TRIO: variants seen among roughly 807,000 people sequenced by gnomAD.
TRIO encodes triple functional domain protein.
Under a neutral mutation model 351.9 loss-of-function variants are expected in TRIO, and 58 were observed. The observed-to-expected ratio is 0.16, with a 90% CI of 0.13 to 0.21. The LOEUF is 0.21. Ranked by LOEUF, TRIO falls within the 10% of genes least tolerant of loss-of-function variation. The probability of loss-of-function intolerance (pLI) is 1.00; values close to 1 mark genes in which losing one functional copy is unlikely to be tolerated. For missense variants in TRIO, 3,201 were observed against 4,027.8 expected, an observed-to-expected ratio of 0.79 and a Z score of 5.56; for synonymous variants, 1,758 against 1,595.7, an observed-to-expected ratio of 1.10 and a Z score of -2.42.
At chr5:14,459,037 C>G (rs1028002338) in intron 34 of TRIO, among the ~76,000 whole-genome samples, 15 of 152,180 alleles carry the variant, frequency 9.9e-5, no homozygotes, top group Non-Finnish European at 1.6e-4. Flanking sequence ...CATTCTTTAA[C>G]AGATATCAAT....
chr5:14,191,508 G>T (rs1359052087), intron 1 of TRIO, among the ~76,000 whole-genome samples: 1 of 148,538 alleles, frequency 6.7e-6, no homozygotes, highest in Non-Finnish European at 1.5e-5. Context: ...CTCCAGCCTG[G>T]GTGACAGAGT....
At chr5:14,241,225 T>G (rs1794106795) in intron 1 of TRIO, among the ~76,000 whole-genome samples, 1 of 152,198 alleles carries the variant, frequency 6.6e-6, no homozygotes, top group South Asian at 2.1e-4. Context: ...TATAGACATT[T>G]TGGGGGGCCT....
At chr5:14,355,483 A>T (rs1743539095) in intron 11 of TRIO, among the ~76,000 whole-genome samples, 1 of 152,200 alleles carries the variant, frequency 6.6e-6, no homozygotes, top group South Asian at 2.1e-4. Context: ...TGTTTTAGCA[A>T]ACTGAGTCTC....
chr5:14,225,398 T>C (rs376285737), intron 1 of TRIO, among the ~76,000 whole-genome samples: 2 of 152,192 alleles, frequency 1.3e-5, no homozygotes, highest in African/African-American at 4.8e-5. Flanking sequence ...AGGTCAGGTG[T>C]CTGGGTAGTT....
chr5:14,466,170 A>G (rs1169609162), intron 37 of TRIO: 1 of 162,056 alleles, frequency 6.2e-6, no homozygotes, highest in East Asian at 1.7e-4. Flanking sequence ...ATCAAGCAGA[A>G]CATTCCAAGG....
intron 1 of TRIO, chr5:14,184,024 AG>A: frequency 1.4e-6 from 1 of 694,150 alleles, no homozygotes; most frequent in South Asian, 1.5e-5. Flanking sequence ...GTGTGGCTCG[AG>A]GGTTTCTCTA....
At chr5:14,255,133 A>G (rs762475523) in intron 1 of TRIO, among the ~76,000 whole-genome samples, 4 of 152,250 alleles carry the variant, frequency 2.6e-5, no homozygotes, top group African/African-American at 9.6e-5. Flanking sequence ...GTAGCAGCAA[A>G]TGGTTGCATC....
chr5:14,359,314 T>C, intron 12 of TRIO, 43 bp from the exon 13 acceptor site: 1 of 1,588,988 alleles, frequency 6.3e-7, no homozygotes, highest in Non-Finnish European at 8.6e-7. Context: ...TAACAATGTG[T>C]GACTTTCTCA....
intron 20 of TRIO, among the ~76,000 whole-genome samples, chr5:14,380,495 G>A (rs992599669): frequency 6.6e-6 from 1 of 151,954 alleles, no homozygotes; most frequent in Non-Finnish European, 1.5e-5. Context: ...TCCCCAGGGC[G>A]GCTGACTCCC....
At chr5:14,160,305 T>A (rs1030674075) in intron 1 of TRIO, among the ~76,000 whole-genome samples, 7 of 152,232 alleles carry the variant, frequency 4.6e-5, no homozygotes, top group African/African-American at 1.7e-4. Flanking sequence ...GGGGGTGACC[T>A]TTTCATGATG....
At chr5:14,457,759 C>A (rs1442462632) in intron 34 of TRIO, among the ~76,000 whole-genome samples, 3 of 152,056 alleles carry the variant, frequency 2.0e-5, no homozygotes, top group Non-Finnish European at 4.4e-5. Context: ...GCCCTGCGTC[C>A]CTGCCTGCCC....
intron 1 of TRIO, among the ~76,000 whole-genome samples, chr5:14,230,640 C>T (rs1337497567): frequency 6.6e-6 from 1 of 152,044 alleles, no homozygotes; most frequent in Non-Finnish European, 1.5e-5. Context: ...TTCTCATATA[C>T]ATATATATTC....
At chr5:14,294,449 T>G (rs1015489632) in intron 6 of TRIO, among the ~76,000 whole-genome samples, 8 of 152,244 alleles carry the variant, frequency 5.3e-5, no homozygotes, top group Non-Finnish European at 1.2e-4. Context: ...ACTGTCAGTT[T>G]TTTTAGAATT....
intron 9 of TRIO, among the ~76,000 whole-genome samples, chr5:14,325,339 A>G (rs559544855): frequency 2.2e-4 from 33 of 152,356 alleles, no homozygotes; most frequent in African/African-American, 7.7e-4. Flanking sequence ...TACAAGAAGC[A>G]TGGCACCAGC....
At chr5:14,390,140 G>C in intron 25 of TRIO, 91 bp from the exon 26 acceptor site, 7 of 1,171,544 alleles carry the variant, frequency 6.0e-6, no homozygotes, top group Non-Finnish European at 8.6e-6. Flanking sequence ...TCATTCTTTA[G>C]GGGGCACAGA....
chr5:14,328,362 C>T lies in TRIO; in HGVS notation c.1732-2416C>T, dbSNP rs544535377. On this transcript the variant is annotated intron_variant, in intron 9 of 56. Transcript: ENST00000344204. Reference sequence around the variant, plus strand: ...ACTGAATACGCTTGTTAAAACAATGCACTCGTTAAAGTAATGTGCACTCAA... The same window carrying T: ...ACTGAATACGCTTGTTAAAACAATGTACTCGTTAAAGTAATGTGCACTCAA... Among the ~76,000 whole-genome samples the T allele has an allele frequency of 6.0e-4, 92 of 152,286 alleles. 1 individual carries two copies. The highest frequency in any genetic ancestry group is 8.7e-4 in the Non-Finnish European group (59 of 68,026).
At position 14,487,678 on chromosome 5, in the gene TRIO, C is replaced by T. The variant is rs780696828; in HGVS notation, c.7050C>T (p.Pro2350=). 5.0e-6 allele frequency: 7 copies of T among 1,411,816 alleles called. 1 individual carries two copies. Among genetic ancestry groups the T allele is most frequent in the African/African-American group, 3.0e-5 (2 of 66,342 alleles). The allele number at this position is 1,411,816 out of a possible 1,614,324, so 87.5% of individuals were successfully genotyped here. The change falls in exon 48 of 57, where the codon CCC becomes CCT. Residue 2350 remains proline, a synonymous_variant. Transcript: ENST00000344204. ...CCCAGCCTGTCCGACACCACCCCCC[C>T]GTGCTGGTCTCCTCTGCAGCCTCGA... The part of the protein sequence containing the change: ...RIPQPVRHHP[P]VLVSSAASSQ...
chr5:14,211,768 A>T (rs564346001), intron 1 of TRIO, among the ~76,000 whole-genome samples: 1 of 152,164 alleles, frequency 6.6e-6, no homozygotes, highest in East Asian at 1.9e-4. Flanking sequence ...CTATGAAGAG[A>T]AAATTATCAA....
intron 1 of TRIO, among the ~76,000 whole-genome samples, chr5:14,226,573 T>A (rs143313637): frequency 2.7e-4 from 41 of 152,378 alleles, no homozygotes; most frequent in African/African-American, 9.6e-4. Context: ...AAAAGTAGTT[T>A]TCTTTTGCAC....
Sources: gnomAD v4.1 joint callset for allele counts (sites outside exome capture counted in the v4.1 genomes callset) on GRCh38, gnomAD v4.1.1 for gene constraint, MANE v1.5 for transcripts, NCBI Gene and HGNC (gene_info 2026-07-23, HGNC 2026-07-21) for gene names.